Variants in SDHA observed in about 807,000 individuals in gnomAD.
SDHA encodes succinate dehydrogenase complex flavoprotein subunit A.
In SDHA, 48 loss-of-function variants were observed where a neutral mutation model predicts 78.4. That is an observed-to-expected ratio of 0.61 (90% confidence interval 0.49 to 0.78). The LOEUF (loss-of-function observed/expected upper bound fraction) is 0.78, where lower values mean the gene tolerates loss of function less well. SDHA is among the 30% of genes least tolerant of loss of function. SDHA has a pLI of 0.00. For missense variants in SDHA, 680 were observed against 892.7 expected, an observed-to-expected ratio of 0.76 and a Z score of 3.04; for synonymous variants, 326 against 353.9, an observed-to-expected ratio of 0.92 and a Z score of 0.88.
intron 3 of SDHA, 137 bp downstream of exon 3, chr5:224,658 C>G (rs1734907664): frequency 1.1e-6 from 1 of 880,952 alleles, no homozygotes; most frequent in African/African-American, 1.7e-5. Context: ...TCAGCTCACC[C>G]TCTCAGGGGT....
intron 8 of SDHA, chr5:234,619 A>G (rs1229186231): frequency 5.7e-6 from 1 of 175,388 alleles, no homozygotes; most frequent in Non-Finnish European, 1.2e-5. Flanking sequence ...TTTACGTAGC[A>G]TTTACATTGT....
chr5:220,073 G>A (rs1294959389), intron 1 of SDHA, among the ~76,000 whole-genome samples: 1 of 152,198 alleles, frequency 6.6e-6, no homozygotes, highest in Non-Finnish European at 1.5e-5. Flanking sequence ...ACTGAGAAAT[G>A]TGTTTGGAAA....
chr5:244,745 T>C lies in SDHA; in HGVS notation c.1551+4269T>C, dbSNP rs915684384. 8.5e-5 allele frequency among the ~76,000 whole-genome samples: 13 copies of C among 152,194 alleles called. No homozygotes were observed. The East Asian group carries it at 1.7e-3, about 20-fold the overall frequency. On this transcript the variant is annotated intron_variant, in intron 11 of 14. Coordinates refer to ENST00000264932, the MANE Select transcript of SDHA (RefSeq NM_004168.4). ...TATATCAAAGTAGTTATATTTCCAT[T>C]GTGAAGGGCCCAATGGACAACCTGG...
rs1310666225 is a variant in SDHA, at chr5:251,318, G to A, written c.1664-20G>A. The A allele has an allele frequency of 4.3e-6, 7 of 1,610,668 alleles. No individual in the cohort carries two copies. In the African/African-American group the frequency reaches 9.4e-5, roughly 22 times the overall value. ...TGACTGGGTCCCGCCTGCCCCTGAT[G>A]GAACTTTTTGTGTCCCCAGGAATGG... On this transcript the variant is annotated intron_variant, in intron 12 of 14. Coordinates refer to ENST00000264932, the MANE Select transcript of SDHA (RefSeq NM_004168.4).
At chr5:235,526 C>G (rs535993205) in intron 9 of SDHA, 187 bp downstream of exon 9, 1 of 662,040 alleles carries the variant, frequency 1.5e-6, no homozygotes, top group East Asian at 2.8e-5. Context: ...TAATTTATTC[C>G]TCCTTAGTAA....
downstream of SDHA, among the ~76,000 whole-genome samples, chr5:258,891 T>TC (rs1737381176): frequency 5.7e-5 from 1 of 17,574 alleles, no homozygotes. Flanking sequence ...AGCTCCGCCC[T>TC]CCGCCAGAGC....
intron 6 of SDHA, among the ~76,000 whole-genome samples, chr5:230,442 C>T (rs1735325438): frequency 6.6e-6 from 1 of 152,034 alleles, no homozygotes; most frequent in Non-Finnish European, 1.5e-5. Context: ...GCCTGGCCAA[C>T]ATGGTGAAAC....
chr5:266,877 G>C, the SDHA span, among the ~76,000 whole-genome samples: 1 of 152,034 alleles, frequency 6.6e-6, no homozygotes, highest in South Asian at 2.1e-4. Context: ...GGTGGCCGCT[G>C]TGTCTAAAAT....
chr5:230,741 C>A, intron 6 of SDHA, 135 bp from the exon 7 acceptor site: 3 of 1,147,618 alleles, frequency 2.6e-6, no homozygotes, highest in Non-Finnish European at 2.6e-6. Flanking sequence ...GTGGGGTGTG[C>A]GTGAGTAGGG....
chr5:264,473 T>G, the SDHA span, among the ~76,000 whole-genome samples: 1 of 152,210 alleles, frequency 6.6e-6, no homozygotes, highest in South Asian at 2.1e-4. Flanking sequence ...TGGGAGCTGG[T>G]GCATTCCTTC....
rs758468864 is a variant in SDHA, at chr5:256,823, C to CTTTTT, written c.*407_*408insTTTTT. On this transcript the variant is annotated 3_prime_UTR_variant, in exon 15 of 15. Coordinates refer to ENST00000264932, the MANE Select transcript of SDHA (RefSeq NM_004168.4). ...TTTGTATAGTTTCTTTTTTCTTTTT[C>CTTTTT]TTTTCTTTTTTTTTTTTGAGACAGG... is the stretch of plus-strand genomic sequence containing the variant. 5.4e-4 allele frequency: 123 copies of CTTTTT among 227,706 alleles called. 8 individuals are homozygous for CTTTTT. Among genetic ancestry groups the CTTTTT allele is most frequent in the African/African-American group, 1.4e-3 (52 of 38,032 alleles). The allele number at this position is 227,706 out of a possible 1,614,324, so 14.1% of individuals were successfully genotyped here. A position where few individuals can be genotyped will look rare whatever the true frequency, so the allele number is the denominator to read the frequency against.
chr5:266,848 C>G, the SDHA span, among the ~76,000 whole-genome samples: 2 of 151,676 alleles, frequency 1.3e-5, no homozygotes, highest in Non-Finnish European at 2.9e-5. Flanking sequence ...AGACCCTCGC[C>G]GTCCCGTGCA....
intron 13 of SDHA, chr5:252,868 C>T (rs1329997885): frequency 6.6e-6 from 1 of 150,388 alleles, no homozygotes; most frequent in Non-Finnish European, 1.5e-5. Context: ...TGTTTCAGAC[C>T]TGCCCTGTGG....
At chr5:258,996 G>A (rs1422460070), downstream of SDHA, among the ~76,000 whole-genome samples, 2 of 41,758 alleles carry the variant, frequency 4.8e-5, no homozygotes, top group Admixed American at 2.1e-4. Flanking sequence ...TCCCGTCACA[G>A]CATTACCGTG....
rs778670859 is a variant in SDHA at position 251,068 on chromosome 5, A to G, written c.1628A>G (p.Tyr543Cys). ...GGTTGTGGGAAAATCAGCAAGCTCT[A>G]TGGAGACCTAAAGCACCTGAAGACG... ...QEGCGKISKLYGDLKHLKTFD... is the reference protein window; with the variant it reads ...QEGCGKISKLCGDLKHLKTFD... The change falls in exon 12 of 15, where the codon TAT becomes TGT. Residue 543 changes from tyrosine (Y) to cysteine (C), a missense_variant. Coordinates refer to ENST00000264932, the MANE Select transcript of SDHA (RefSeq NM_004168.4). The G allele has an allele frequency of 6.8e-6, 11 of 1,612,050 alleles. No homozygotes were observed. The highest frequency in any genetic ancestry group is 1.1e-5 in the South Asian group (1 of 90,990).
chr5:235,360 C>T (rs746766158), intron 9 of SDHA, 21 bp downstream of exon 9: 1 of 1,613,262 alleles, frequency 6.2e-7, no homozygotes, highest in South Asian at 1.1e-5. Flanking sequence ...TGGCTCCTCC[C>T]CCACAGCTGG....
chr5:226,788 G>A (rs898390772), intron 5 of SDHA, among the ~76,000 whole-genome samples: 6 of 151,588 alleles, frequency 4.0e-5, no homozygotes, highest in African/African-American at 2.4e-5. Context: ...AATTAGCCAG[G>A]CATGGTGGCA....
At chr5:221,075 A>G in intron 1 of SDHA, among the ~76,000 whole-genome samples, 1 of 152,098 alleles carries the variant, frequency 6.6e-6, no homozygotes, top group Non-Finnish European at 1.5e-5. Context: ...GGTCTCCCAA[A>G]GGGCTGGGAT....
chr5:233,057 A>G (rs967024782), intron 7 of SDHA, among the ~76,000 whole-genome samples: 4 of 152,376 alleles, frequency 2.6e-5, no homozygotes, highest in African/African-American at 9.6e-5. Context: ...TAAAATAATC[A>G]TTATTACTGT....
Sources: gnomAD v4.1 joint callset for allele counts (sites outside exome capture counted in the v4.1 genomes callset) on GRCh38, gnomAD v4.1.1 for gene constraint, MANE v1.5 for transcripts, NCBI Gene and HGNC (gene_info 2026-07-23, HGNC 2026-07-21) for gene names.